Variants in DNAH14 observed in about 807,000 individuals in gnomAD.
DNAH14 encodes dynein axonemal heavy chain 14, also known as axonemal beta dynein heavy chain 14.
A neutral mutation model predicts 520.9 loss-of-function variants in DNAH14; 478 were observed. The ratio of observed to expected loss-of-function variants is 0.92; its 90% confidence interval spans 0.85 to 0.99. The LOEUF (loss-of-function observed/expected upper bound fraction) is 0.99. Among genes scored for constraint, DNAH14 ranks in the 50% least tolerant of loss-of-function variants. The probability of loss-of-function intolerance (pLI) is 0.00; values close to 1 mark genes in which losing one functional copy is unlikely to be tolerated. For missense variants in DNAH14, 4,831 were observed against 5,234.5 expected (o/e 0.92, Z 2.38); for synonymous variants, 1,581 against 1,757.2 (o/e 0.90, Z 2.51).
At chr1:225,077,920 A>G (rs1315662460) in intron 17 of DNAH14, among the ~76,000 whole-genome samples, 1 of 152,182 alleles carries the variant, frequency 6.6e-6, no homozygotes, top group Non-Finnish European at 1.5e-5. Context: ...ATTTATTTTA[A>G]TATCAAATTA....
In DNAH14 at chr1:225,198,809, T is replaced by C. The variant is rs200448274; in HGVS notation, c.5887-5374T>C. Among the ~76,000 whole-genome samples, 13 of 152,268 alleles carry C rather than the reference T, an allele frequency of 8.5e-5. No homozygotes were observed. In the East Asian group the frequency reaches 2.3e-3, roughly 27 times the overall value. On this transcript the variant is annotated intron_variant, in intron 38 of 85. Transcript: ENST00000682510. ...ATTGGTCTGTAGTTTTCTTTTTTGG[T>C]TATGTCCTTTCCTGGTTTTGGTATT...
intron 1 of DNAH14, among the ~76,000 whole-genome samples, chr1:224,937,073 TAATA>T (rs1162189818): frequency 6.6e-6 from 1 of 151,812 alleles, no homozygotes; most frequent in Non-Finnish European, 1.5e-5. Flanking sequence ...TACCACAAAA[TAATA>T]AAGGCCATAT....
At chr1:225,142,919 C>A (rs2079582007) in intron 28 of DNAH14, among the ~76,000 whole-genome samples, 1 of 152,046 alleles carries the variant, frequency 6.6e-6, no homozygotes, top group African/African-American at 2.4e-5. Flanking sequence ...GAGCAAGACT[C>A]CATCTCAAAT....
chr1:225,016,862 T>C (rs2065255994), intron 10 of DNAH14, among the ~76,000 whole-genome samples: 1 of 151,946 alleles, frequency 6.6e-6, no homozygotes, highest in African/African-American at 2.4e-5. Flanking sequence ...ATTTCCTTCA[T>C]TAAATTTTTC....
rs911801247 is a variant in DNAH14, at chr1:225,351,962, A to G, written c.11533+79A>G. The G allele has an allele frequency of 3.9e-5, 46 of 1,168,268 alleles. No individual in the cohort carries two copies. In the African/African-American group the frequency reaches 4.5e-4, roughly 11 times the overall value. The allele number at this position is 1,168,268 out of a possible 1,614,324, so 72.4% of individuals were successfully genotyped here. A position where few individuals can be genotyped will look rare whatever the true frequency, so the allele number is the denominator to read the frequency against. On this transcript the variant is annotated intron_variant, in intron 72 of 85. Coordinates refer to ENST00000682510, the MANE Select transcript of DNAH14 (RefSeq NM_001367479.1). ...GATTTTCAATTTGTAAATGTCGTACATTATCTTACATTATGAAAAAATTGA... is the reference window on the plus strand; with the variant it reads ...GATTTTCAATTTGTAAATGTCGTACGTTATCTTACATTATGAAAAAATTGA...
At chr1:224,974,282 A>G (rs557827993) in intron 8 of DNAH14, 129 bp downstream of exon 8, 43 of 497,356 alleles carry the variant, frequency 8.6e-5, no homozygotes, top group African/African-American at 8.2e-4. Flanking sequence ...TTTACGATTA[A>G]ACTTAACCCA....
chr1:225,252,187 A>G lies in DNAH14; in HGVS notation c.6749-114A>G, dbSNP rs192139597. On this transcript the variant is annotated intron_variant, in intron 43 of 85. Coordinates refer to ENST00000682510, the MANE Select transcript of DNAH14 (RefSeq NM_001367479.1). ...ATACACTTGGATATACCCTTGGTGAATACTTATTATTTCTTGTTCAACAAT... is the reference window on the plus strand; with the variant it reads ...ATACACTTGGATATACCCTTGGTGAGTACTTATTATTTCTTGTTCAACAAT... 967 of 704,622 alleles carry G rather than the reference A, an allele frequency of 1.4e-3. 5 individuals are homozygous for G. In the African/African-American group the frequency reaches 0.015, roughly 11 times the overall value. The allele number at this position is 704,622 out of a possible 1,614,324, so 43.6% of individuals were successfully genotyped here.
chr1:225,383,351 C>T (rs972117526), intron 81 of DNAH14, among the ~76,000 whole-genome samples: 21 of 152,248 alleles, frequency 1.4e-4, no homozygotes, highest in Admixed American at 7.2e-4. Flanking sequence ...CTTCAGAGCT[C>T]GAAAGGATCT....
intron 74 of DNAH14, among the ~76,000 whole-genome samples, chr1:225,360,232 T>A (rs2095477734): frequency 6.6e-6 from 1 of 152,242 alleles, no homozygotes; most frequent in South Asian, 2.1e-4. Context: ...CACATTTTCT[T>A]TATCTAGTCT....
intron 17 of DNAH14, among the ~76,000 whole-genome samples, chr1:225,071,116 G>A (rs1048428948): frequency 1.1e-4 from 16 of 152,106 alleles, no homozygotes; most frequent in African/African-American, 3.9e-4. Flanking sequence ...ATACCAATGG[G>A]TCTTGACTCT....
Position 225,082,615 on chromosome 1 carries a change from C to G in DNAH14, c.3203C>G (p.Pro1068Arg). ...QVVTEFKQEL[P>R]IIIALGNPCL... Reference sequence around the variant, plus strand: ...GTAACAGAGTTTAAACAAGAGCTGCCTATCATTATAGCTCTGGGAAATCCC... The same window carrying G: ...GTAACAGAGTTTAAACAAGAGCTGCGTATCATTATAGCTCTGGGAAATCCC... The change falls in exon 20 of 86, where the codon CCT becomes CGT. Residue 1068 changes from proline to arginine, a missense_variant. Physicochemically the swap from Pro to Arg is moderately radical, Grantham distance 103. Transcript: ENST00000682510. 6.4e-7 allele frequency: 1 copy of G among 1,551,538 alleles called. No homozygotes were observed. Among genetic ancestry groups the G allele is most frequent in the South Asian group, 1.2e-5 (1 of 84,054 alleles).
rs2095712586 is a variant in DNAH14 at position 225,377,237 on chromosome 1, A to T, written c.12517A>T (p.Ile4173Leu). ...KDDFSFSSDG[I>L]CLPVPGSASI... ...AGCTAACAAAATGTTAAATTTTCAG[A>T]TATGTCTGCCAGTTCCAGGATCTGC... Residue 4173 changes from isoleucine to leucine, a missense_variant and splice_region_variant, in exon 79 of 86, where the codon ATA becomes TTA. Transcript: ENST00000682510. 1 of 1,376,324 alleles carries T rather than the reference A, an allele frequency of 7.3e-7. No individual in the cohort carries two copies. The highest frequency in any genetic ancestry group is 1.5e-5 in the African/African-American group (1 of 67,520). 85.3% of individuals were successfully genotyped at this position (1,376,324 alleles called of 1,614,324 possible).
At chr1:225,378,918 G>T (rs11578124) in intron 79 of DNAH14, among the ~76,000 whole-genome samples, 94,796 of 150,296 alleles carry the variant, frequency 0.63, 31,813 homozygotes, top group East Asian at 0.86. Flanking sequence ...AATCAGTCCC[G>T]GCTAGTAAAT....
rs533665769 is a variant in DNAH14 at position 225,290,090 on chromosome 1, C to T, written c.8469+8C>T. 72 of 1,404,116 alleles carry T rather than the reference C, an allele frequency of 5.1e-5. No individual in the cohort carries two copies. Among genetic ancestry groups the T allele is most frequent in the East Asian group, 1.6e-4 (6 of 37,512 alleles). The allele number at this position is 1,404,116 out of a possible 1,614,324, so 87.0% of individuals were successfully genotyped here. A position where few individuals can be genotyped will look rare whatever the true frequency, so the allele number is the denominator to read the frequency against. ...AATTTAAACATAGAACAAGTAAGTA[C>T]TTTTTGTCTTTGCTATTTGCTGAAG... On this transcript the variant is annotated splice_region_variant and intron_variant, in intron 55 of 85. Transcript: ENST00000682510.
intron 54 of DNAH14, among the ~76,000 whole-genome samples, chr1:225,278,373 CA>C (rs1024363215): frequency 1.3e-5 from 2 of 152,164 alleles, no homozygotes; most frequent in African/African-American, 4.8e-5. Flanking sequence ...CCTGGTGATA[CA>C]ACTTGAAAAA....
At chr1:225,177,479 A>G (rs2083455352) in intron 36 of DNAH14, among the ~76,000 whole-genome samples, 1 of 152,216 alleles carries the variant, frequency 6.6e-6, no homozygotes, top group African/African-American at 2.4e-5. Context: ...ACACTGGGGA[A>G]AATGTCTCCA....
At chr1:224,975,724 C>T (rs1307340500) in intron 8 of DNAH14, among the ~76,000 whole-genome samples, 1 of 151,346 alleles carries the variant, frequency 6.6e-6, no homozygotes, top group Non-Finnish European at 1.5e-5. Flanking sequence ...GTCTCTATGT[C>T]CTTCAGTTCT....
rs192594858 is a variant in DNAH14 at position 225,387,446 on chromosome 1, G to A, written c.13078-933G>A. On this transcript the variant is annotated intron_variant, in intron 81 of 85. Transcript: ENST00000682510. ...GGGACAAGAGCACGGGCTGCAAAGC[G>A]AGCGCTTGGTGTCATCAGCCTAGAC... Among the ~76,000 whole-genome samples the A allele has an allele frequency of 2.5e-3, 381 of 152,008 alleles. 2 individuals carry two copies. Among genetic ancestry groups the A allele is most frequent in the Non-Finnish European group, 2.3e-3 (154 of 67,966 alleles).
At chr1:224,964,987 C>T (rs1013888336) in intron 5 of DNAH14, among the ~76,000 whole-genome samples, 3 of 152,048 alleles carry the variant, frequency 2.0e-5, no homozygotes, top group Non-Finnish European at 4.4e-5. Context: ...ACATTCTGTT[C>T]TTCTCACACT....
Sources: gnomAD v4.1 joint callset for allele counts (sites outside exome capture counted in the v4.1 genomes callset) on GRCh38, gnomAD v4.1.1 for gene constraint, MANE v1.5 for transcripts, NCBI Gene and HGNC (gene_info 2026-07-23, HGNC 2026-07-21) for gene names.